ERCC8: variants seen among roughly 807,000 people sequenced by gnomAD.
ERCC8 encodes ERCC excision repair 8, CSA ubiquitin ligase complex subunit.
Under a neutral mutation model 54.9 loss-of-function variants are expected in ERCC8, and 52 were observed. The observed-to-expected ratio is 0.95, with a 90% confidence interval of 0.76 to 1.19. ERCC8 has a LOEUF of 1.19. Ranked by LOEUF, ERCC8 falls within the 50% of genes most tolerant of loss-of-function variation. The probability of loss-of-function intolerance (pLI) is 0.00; values close to 1 mark genes in which losing one functional copy is unlikely to be tolerated. For missense variants in ERCC8, 514 were observed against 466.1 expected, an observed-to-expected ratio of 1.10 and a Z score of -0.95; for synonymous variants, 146 against 157.2, an observed-to-expected ratio of 0.93 and a Z score of 0.53.
At chr5:60,890,097 T>C (rs1748504878) in intron 10 of ERCC8, among the ~76,000 whole-genome samples, 1 of 152,178 alleles carries the variant, frequency 6.6e-6, no homozygotes, top group South Asian at 2.1e-4. Context: ...TAATGGTATG[T>C]ACTGGCTGAA....
rs1051125194 is a variant in ERCC8, at chr5:60,869,302, A to G, written c.*5313T>C. ...GAGGTTTTCCTTTCCATTGTGAAAT[A>G]GTGATTTTGCTTTGAAAAATAATTG... On this transcript the variant is annotated 3_prime_UTR_variant, in exon 12 of 12. Transcript: ENST00000676185. Among the ~76,000 whole-genome samples, 17 of 152,172 alleles carry G rather than the reference A, an allele frequency of 1.1e-4. No homozygotes were observed. The highest frequency in any genetic ancestry group is 1.1e-3 in the Admixed American group (17 of 15,282).
chr5:60,902,833 A>G (rs1437126478), intron 6 of ERCC8, among the ~76,000 whole-genome samples: 1 of 152,084 alleles, frequency 6.6e-6, no homozygotes, highest in African/African-American at 2.4e-5. Context: ...AATAAAACAT[A>G]TAAGATAAAC....
chr5:60,878,207 C>A (rs1304073300), intron 11 of ERCC8, among the ~76,000 whole-genome samples: 1 of 151,968 alleles, frequency 6.6e-6, no homozygotes, highest in East Asian at 1.9e-4. Flanking sequence ...AGCCTTGCAT[C>A]CCAGGGATGA....
At chr5:60,924,611 T>TAA (rs1749696186) in intron 2 of ERCC8, 2 of 154,564 alleles carry the variant, frequency 1.3e-5, no homozygotes, top group African/African-American at 4.8e-5. Flanking sequence ...TTTCTTGAAT[T>TAA]ATTGTTTTAA....
chr5:60,904,939 A>G, intron 4 of ERCC8, 66 bp from the exon 5 acceptor site: 1 of 848,240 alleles, frequency 1.2e-6, no homozygotes, highest in Non-Finnish European at 2.0e-6. Flanking sequence ...TAAATTTTCT[A>G]TTTACTTTTT....
intron 2 of ERCC8, among the ~76,000 whole-genome samples, chr5:60,926,000 T>C (rs1339229931): frequency 6.6e-6 from 1 of 152,058 alleles, no homozygotes; most frequent in African/African-American, 2.4e-5. Flanking sequence ...ATTTTTTCTA[T>C]TTTTAGTAGA....
intron 3 of ERCC8, 22 bp downstream of exon 3, chr5:60,922,032 T>C: frequency 6.5e-7 from 1 of 1,527,608 alleles, no homozygotes; most frequent in Non-Finnish European, 9.0e-7. Context: ...AATTCATAAA[T>C]TTTTACATTT....
intron 11 of ERCC8, among the ~76,000 whole-genome samples, chr5:60,884,272 G>C (rs1748328188): frequency 6.6e-6 from 1 of 152,032 alleles, no homozygotes; most frequent in South Asian, 2.1e-4. Context: ...GAGGTCAGGA[G>C]ATCGAGACCA....
intron 3 of ERCC8, among the ~76,000 whole-genome samples, chr5:60,921,487 A>C (rs139195959): frequency 6.6e-6 from 1 of 152,100 alleles, no homozygotes; most frequent in East Asian, 1.9e-4. Context: ...AAATTATCAC[A>C]AGATTGGTAA....
intron 11 of ERCC8, 52 bp downstream of exon 11, chr5:60,887,388 T>C (rs370650250): frequency 2.1e-5 from 30 of 1,424,312 alleles, no homozygotes; most frequent in Non-Finnish European, 3.0e-5. Flanking sequence ...TAACAAAACA[T>C]TATTTCTTAA....
At chr5:60,883,891 T>TAA (rs1173933275) in intron 11 of ERCC8, among the ~76,000 whole-genome samples, 13 of 152,120 alleles carry the variant, frequency 8.5e-5, no homozygotes, top group Non-Finnish European at 2.9e-5. Flanking sequence ...GCCAACTAAA[T>TAA]AAAAGGATTT....
rs966289737 is a variant in ERCC8, at chr5:60,877,093, A to C, written c.1123-2410T>G. ...GAAGGGATCCAGTTTCAGCTTTCTA[A>C]GTATGGCTAGCCAGTTATCCCAGCA... On this transcript the variant is annotated intron_variant, in intron 11 of 11. Transcript: ENST00000676185. 4.6e-5 allele frequency among the ~76,000 whole-genome samples: 7 copies of C among 152,124 alleles called. No individual in the cohort carries two copies. The East Asian group carries it at 5.8e-4, about 13-fold the overall frequency.
chr5:60,881,855 G>C (rs912671892), intron 11 of ERCC8, among the ~76,000 whole-genome samples: 1 of 152,094 alleles, frequency 6.6e-6, no homozygotes, highest in African/African-American at 2.4e-5. Flanking sequence ...TCAGTGCGCT[G>C]CACCCACTGT....
intron 1 of ERCC8, among the ~76,000 whole-genome samples, chr5:60,933,405 G>A (rs1296334762): frequency 6.6e-6 from 1 of 151,702 alleles, no homozygotes; most frequent in Admixed American, 6.6e-5. Context: ...TTTTAGTAGA[G>A]ATGGGGTTTC....
rs571964784 is a variant in ERCC8, at chr5:60,871,916, T to C, written c.*2699A>G. 3.3e-5 allele frequency among the ~76,000 whole-genome samples: 5 copies of C among 152,292 alleles called. No individual in the cohort carries two copies. Among genetic ancestry groups the C allele is most frequent in the African/African-American group, 1.2e-4 (5 of 41,558 alleles). ...TACAGGTTCAAGTGATTCCCCAGCC[T>C]GAGTCTCCCAAGTAGCTGGGACTAC... On this transcript the variant is annotated 3_prime_UTR_variant, in exon 12 of 12. Transcript: ENST00000676185.
chr5:60,938,048 C>CAT (rs1170248858), intron 1 of ERCC8, among the ~76,000 whole-genome samples: 926 of 23,162 alleles, frequency 0.04, 5 homozygotes, highest in African/African-American at 0.059. Context: ...TACATACATA[C>CAT]ATATATATAT....
chr5:60,910,163 T>A (rs1261654003), intron 4 of ERCC8, among the ~76,000 whole-genome samples: 1 of 152,178 alleles, frequency 6.6e-6, no homozygotes, highest in Non-Finnish European at 1.5e-5. Flanking sequence ...TCCACACTAT[T>A]CAAGGGTTAC....
intron 2 of ERCC8, among the ~76,000 whole-genome samples, chr5:60,928,063 T>C (rs1469482641): frequency 1.3e-5 from 2 of 152,168 alleles, no homozygotes; most frequent in Admixed American, 6.5e-5. Context: ...ACATGAAACA[T>C]ACCATAACAC....
intron 9 of ERCC8, among the ~76,000 whole-genome samples, chr5:60,895,093 C>T (rs1748685769): frequency 6.6e-6 from 1 of 150,634 alleles, no homozygotes; most frequent in Non-Finnish European, 1.5e-5. Context: ...TTGCTTGAAC[C>T]TGGGAGGTGG....
Sources: allele counts gnomAD v4.1 joint callset (sites outside exome capture counted in the v4.1 genomes callset), GRCh38; gene constraint gnomAD v4.1.1; transcripts MANE v1.5; gene names NCBI Gene and HGNC (gene_info 2026-07-23, HGNC 2026-07-21).